Variants in SMARCC1 observed in about 807,000 individuals in gnomAD.
SMARCC1 encodes the protein SWI/SNF complex subunit SMARCC1.
A neutral mutation model predicts 147.4 loss-of-function variants in SMARCC1; 43 were observed. That is an observed-to-expected ratio of 0.29 (90% CI 0.23 to 0.38). The LOEUF is 0.38. Ranked by LOEUF, SMARCC1 falls within the 10% of genes least tolerant of loss-of-function variation. SMARCC1 has a pLI of 1.00. For missense variants in SMARCC1, 1,119 were observed against 1,381.1 expected (o/e 0.81, Z 3.01); for synonymous variants, 495 against 484.4 (o/e 1.02, Z -0.29).
intron 2 of SMARCC1, among the ~76,000 whole-genome samples, chr3:47,770,598 G>A (rs1332646824): frequency 1.3e-5 from 2 of 151,950 alleles, no homozygotes; most frequent in Non-Finnish European, 2.9e-5. Context: ...ACTGCAGCCT[G>A]GGCAACACAG....
chr3:47,692,311 C>A lies in SMARCC1; in HGVS notation c.1225+930G>T, dbSNP rs2033799957. Among the ~76,000 whole-genome samples the A allele has an allele frequency of 2.6e-5, 4 of 152,274 alleles. No individual in the cohort carries two copies. In the South Asian group the frequency reaches 8.3e-4, roughly 32 times the overall value. ...AAAATCACTCAAGAATTATACCTTA[C>A]TTGTGAAAATGTACTCTAAGACTTG... is the stretch of plus-strand genomic sequence containing the variant. On this transcript the variant is annotated intron_variant, in intron 12 of 27. Transcript: ENST00000254480.
At chr3:47,611,652 C>G (rs892668885) in intron 25 of SMARCC1, among the ~76,000 whole-genome samples, 1 of 152,116 alleles carries the variant, frequency 6.6e-6, no homozygotes, top group Admixed American at 6.5e-5. Context: ...ACACTACACA[C>G]TATTATTTGC....
rs760568387 is a variant in SMARCC1 at position 47,590,729 on chromosome 3, G to A, written c.3152C>T (p.Pro1051Leu). The stretch of plus-strand genomic sequence containing the variant: ...GTTTCCTGGCATTGGTGGCATGCCA[G>A]GAGGGGTAGGGCCACTCCCAGAGGG... The part of the protein sequence containing the change: ...IHPSGSGPTP[P>L]GMPPMPGNIL... Residue 1051 changes from proline (P) to leucine (L), a missense_variant, in exon 27 of 28, where the codon CCT becomes CTT. Pro to Leu is a moderately conservative substitution (Grantham distance 98). This residue lies in a region of SMARCC1 where 186 missense variants were observed against 216.5 expected (regional missense o/e 0.86). Transcript: ENST00000254480. 24 of 1,590,914 alleles carry A rather than the reference G, an allele frequency of 1.5e-5. No individual in the cohort carries two copies. In the South Asian group the frequency reaches 2.3e-4, roughly 15 times the overall value.
rs1212415395 is a variant in SMARCC1, at chr3:47,586,964, G to C, written c.*1245C>G. 2.6e-5 allele frequency: 4 copies of C among 152,590 alleles called. No homozygotes were observed. Among genetic ancestry groups the C allele is most frequent in the African/African-American group, 9.7e-5 (4 of 41,430 alleles). The allele number at this position is 152,590 out of a possible 1,614,324, so 9.5% of individuals were successfully genotyped here. A position where few individuals can be genotyped will look rare whatever the true frequency, so the allele number is the denominator to read the frequency against. On this transcript the variant is annotated 3_prime_UTR_variant, in exon 28 of 28. Transcript: ENST00000254480. ...CTGAGCACCCCAAACCTCAAAGCATGATGCTCTGACTGCCAAGTGAGTTCC... is the reference window on the plus strand; with the variant it reads ...CTGAGCACCCCAAACCTCAAAGCATCATGCTCTGACTGCCAAGTGAGTTCC...
chr3:47,718,568 G>A (rs2034190608), intron 7 of SMARCC1, among the ~76,000 whole-genome samples: 1 of 152,038 alleles, frequency 6.6e-6, no homozygotes, highest in African/African-American at 2.4e-5. Flanking sequence ...AAAAAAAGTG[G>A]GGGGTAGGGG....
chr3:47,747,340 G>T (rs2034575506), intron 2 of SMARCC1, among the ~76,000 whole-genome samples: 1 of 151,710 alleles, frequency 6.6e-6, no homozygotes, highest in Non-Finnish European at 1.5e-5. Context: ...GGGAGGCTGA[G>T]GTAGGAGGAT....
At chr3:47,767,969 G>A (rs922430516) in intron 2 of SMARCC1, among the ~76,000 whole-genome samples, 3 of 151,710 alleles carry the variant, frequency 2.0e-5, no homozygotes, top group African/African-American at 7.3e-5. Flanking sequence ...CCAAGTAGCT[G>A]GGCCTACAAG....
At chr3:47,716,133 T>C (rs1248896901) in intron 7 of SMARCC1, among the ~76,000 whole-genome samples, 1 of 151,524 alleles carries the variant, frequency 6.6e-6, no homozygotes, top group Non-Finnish European at 1.5e-5. Flanking sequence ...ATATGGAACC[T>C]GGCCAGGCAC....
At chr3:47,644,599 C>T (rs1370744467) in intron 21 of SMARCC1, among the ~76,000 whole-genome samples, 1 of 152,136 alleles carries the variant, frequency 6.6e-6, no homozygotes, top group East Asian at 1.9e-4. Context: ...CCCCTGTCTC[C>T]CAGGTTCAAG....
At position 47,661,345 on chromosome 3, in the gene SMARCC1, G is replaced by A. The variant is rs1180095627; in HGVS notation, c.2269C>T (p.Leu757=). The change falls in exon 21 of 28, where the codon CTG becomes TTG. Residue 757 remains leucine (L), a synonymous_variant. Transcript: ENST00000254480. ...ASGKVDPTYG[L]ESSCIAGTGP... ...GTGCCTGCAATGCAGCTGCTCTCCAGACCGTAGGTGGGATCCACTTTCCCA... is the reference window on the plus strand; with the variant it reads ...GTGCCTGCAATGCAGCTGCTCTCCAAACCGTAGGTGGGATCCACTTTCCCA... The A allele has an allele frequency of 6.2e-7, 1 of 1,613,826 alleles. No homozygotes were observed. Among genetic ancestry groups the A allele is most frequent in the Non-Finnish European group, 8.5e-7 (1 of 1,179,932 alleles).
chr3:47,606,019 A>T (rs1387714627), intron 26 of SMARCC1, among the ~76,000 whole-genome samples: 3 of 152,030 alleles, frequency 2.0e-5, no homozygotes, highest in Admixed American at 1.3e-4. Flanking sequence ...ACTCAGCTGA[A>T]TATTTATGAT....
chr3:47,596,869 CTTCT>C (rs1559621816), intron 26 of SMARCC1, among the ~76,000 whole-genome samples: 1 of 151,810 alleles, frequency 6.6e-6, no homozygotes, highest in East Asian at 1.9e-4. Context: ...CTGCAAGTTC[CTTCT>C]TTTTTTTTTT....
At chr3:47,762,023 C>T (rs1230033692) in intron 2 of SMARCC1, among the ~76,000 whole-genome samples, 1 of 152,132 alleles carries the variant, frequency 6.6e-6, no homozygotes, top group East Asian at 1.9e-4. Flanking sequence ...TTCAGGTAAT[C>T]CGCCCGCCTC....
At position 47,723,668 on chromosome 3, in the gene SMARCC1, C is replaced by T. The variant is rs911006579; in HGVS notation, c.647-2933G>A. Among the ~76,000 whole-genome samples the T allele has an allele frequency of 5.9e-5, 9 of 151,902 alleles. No individual in the cohort carries two copies. The East Asian group carries it at 1.3e-3, about 23-fold the overall frequency. ...TCTCTACTAAAACTACAAAAATTAG[C>T]TGGGCATGGTGGCGGGGGCCTGTAA... On this transcript the variant is annotated intron_variant, in intron 6 of 27. Transcript: ENST00000254480.
chr3:47,650,612 T>C (rs1431920470), intron 21 of SMARCC1, among the ~76,000 whole-genome samples: 1 of 151,968 alleles, frequency 6.6e-6, no homozygotes, highest in African/African-American at 2.4e-5. Flanking sequence ...GCTCAGGAGT[T>C]TGAGACTAGT....
At chr3:47,606,502 T>G (rs1049550811) in intron 26 of SMARCC1, among the ~76,000 whole-genome samples, 3 of 152,160 alleles carry the variant, frequency 2.0e-5, no homozygotes, top group African/African-American at 7.2e-5. Flanking sequence ...CATCAAAATC[T>G]CATTTAGGGA....
intron 21 of SMARCC1, among the ~76,000 whole-genome samples, chr3:47,644,941 C>T (rs906056081): frequency 3.3e-5 from 5 of 151,950 alleles, no homozygotes; most frequent in African/African-American, 7.3e-5. Context: ...TTCCATGAAA[C>T]GGCAAGGTGG....
intron 26 of SMARCC1, among the ~76,000 whole-genome samples, chr3:47,596,723 CAGCTAGGATAGAA>C (rs1185164354): frequency 6.6e-6 from 1 of 151,898 alleles, no homozygotes; most frequent in African/African-American, 2.4e-5. Flanking sequence ...CCACCATGCC[CAGCTAGGATAGAA>C]AGCTTTAAGA....
intron 21 of SMARCC1, among the ~76,000 whole-genome samples, chr3:47,660,741 G>A (rs1013375817): frequency 1.3e-5 from 2 of 152,180 alleles, no homozygotes; most frequent in East Asian, 1.9e-4. Context: ...GGAATGGGGA[G>A]TGACCACTTA....
Sources: gnomAD v4.1 joint callset for allele counts (sites outside exome capture counted in the v4.1 genomes callset) on GRCh38, gnomAD v4.1.1 for gene constraint, gnomAD v4.1.1 regional missense constraint, MANE v1.5 for transcripts, NCBI Gene and HGNC (gene_info 2026-07-23, HGNC 2026-07-21) for gene names.